The following DIAPH2 variants were observed in gnomAD, a reference collection of about 807,000 sequenced individuals.
The protein encoded by DIAPH2 is diaphanous related formin 2.
Under a neutral mutation model 92.7 loss-of-function variants are expected in DIAPH2, and 35 were observed. That is an observed-to-expected ratio of 0.38 (90% CI 0.29 to 0.50). The LOEUF (loss-of-function observed/expected upper bound fraction) is 0.50, where lower values mean the gene tolerates loss of function less well. Among genes scored for constraint, DIAPH2 ranks in the 20% least tolerant of loss-of-function variants. DIAPH2 has a pLI of 0.94. For synonymous variants in DIAPH2, 301 were observed against 280.4 expected (o/e 1.07, Z -0.73); for missense variants, 701 against 819.5 (o/e 0.86, Z 1.77).
intron 5 of DIAPH2, among the ~76,000 whole-genome samples, chrX:96,911,586 G>A (rs776134728): frequency 1.8e-5 from 2 of 110,805 alleles, no homozygotes; most frequent in Non-Finnish European, 3.8e-5. Context: ...CTTCTACTTG[G>A]AAAGTCCTCA....
At chrX:97,340,529 G>T (rs1276740240) in intron 23 of DIAPH2, among the ~76,000 whole-genome samples, 1 of 111,373 alleles carries the variant, frequency 9.0e-6, no homozygotes, top group African/African-American at 3.3e-5. Flanking sequence ...ATTATAAATA[G>T]AAATCTACAG....
chrX:97,405,246 C>T (rs1290352100), intron 25 of DIAPH2, among the ~76,000 whole-genome samples: 1 of 112,188 alleles, frequency 8.9e-6, no homozygotes, highest in Non-Finnish European at 1.9e-5. Context: ...CTAAATCTCT[C>T]CCCAGTGAAA....
At chrX:97,140,879 TATAAC>T (rs2067204668) in intron 21 of DIAPH2, among the ~76,000 whole-genome samples, 1 of 111,763 alleles carries the variant, frequency 8.9e-6, no homozygotes, top group African/African-American at 3.2e-5. Flanking sequence ...ATTATAGAAT[TATAAC>T]ATCCAATAGA....
At chrX:96,687,391 A>C (rs781194394) in intron 1 of DIAPH2, among the ~76,000 whole-genome samples, 1 of 111,744 alleles carries the variant, frequency 8.9e-6, no homozygotes, top group Non-Finnish European at 1.9e-5. Flanking sequence ...GGTTGTTTTC[A>C]TTTAGTTCCT....
chrX:97,113,612 A>C (rs2066997940), intron 20 of DIAPH2, among the ~76,000 whole-genome samples: 1 of 112,290 alleles, frequency 8.9e-6, no homozygotes, highest in Non-Finnish European at 1.9e-5. Context: ...TCGAAGAAGA[A>C]AAATAATGGG....
chrX:97,064,779 A>T (rs1454521202), intron 17 of DIAPH2, among the ~76,000 whole-genome samples: 2 of 109,756 alleles, frequency 1.8e-5, no homozygotes, highest in Non-Finnish European at 3.8e-5. Context: ...TATGCTCAGC[A>T]TCTCCACGGA....
At chrX:97,429,795 G>A in intron 26 of DIAPH2, 50 bp downstream of exon 26, 2 of 1,044,272 alleles carry the variant, frequency 1.9e-6, no homozygotes, top group South Asian at 4.8e-5. Flanking sequence ...AATGTTCAGA[G>A]CAAAGTAGCA....
At chrX:97,384,792 G>T (rs976419874) in intron 25 of DIAPH2, among the ~76,000 whole-genome samples, 1 of 110,236 alleles carries the variant, frequency 9.1e-6, no homozygotes, top group Non-Finnish European at 1.9e-5. Flanking sequence ...CTTGAAACTG[G>T]GGGGCGGAGG....
intron 4 of DIAPH2, among the ~76,000 whole-genome samples, chrX:96,841,613 C>G (rs1450611492): frequency 8.9e-6 from 1 of 111,781 alleles, no homozygotes; most frequent in Non-Finnish European, 1.9e-5. Flanking sequence ...TTCTTAGAAG[C>G]TTGGTTCCAA....
chrX:96,803,487 C>T (rs963074580), intron 4 of DIAPH2, among the ~76,000 whole-genome samples: 6 of 111,204 alleles, frequency 5.4e-5, no homozygotes, highest in Non-Finnish European at 9.4e-5. Context: ...ATCTCCACAG[C>T]GTATATTATG....
At chrX:96,694,886 A>G (rs748051851) in intron 1 of DIAPH2, among the ~76,000 whole-genome samples, 4 of 109,949 alleles carry the variant, frequency 3.6e-5, no homozygotes, top group Admixed American at 9.7e-5. Flanking sequence ...TTTTTCATTG[A>G]CATTGCATTA....
At chrX:96,995,848 T>C (rs1227282561) in intron 17 of DIAPH2, among the ~76,000 whole-genome samples, 3 of 109,792 alleles carry the variant, frequency 2.7e-5, no homozygotes, top group African/African-American at 9.9e-5. Flanking sequence ...TTTCTGAGTC[T>C]GGGATCCTAG....
chrX:97,506,800 G>A (rs1285147010), intron 26 of DIAPH2, among the ~76,000 whole-genome samples: 1 of 110,731 alleles, frequency 9.0e-6, no homozygotes, highest in Non-Finnish European at 1.9e-5. Context: ...GTTCTTGGAG[G>A]GCATCAACTA....
At chrX:97,311,456 G>A (rs1030621045) in intron 23 of DIAPH2, among the ~76,000 whole-genome samples, 3 of 111,345 alleles carry the variant, frequency 2.7e-5, no homozygotes, top group Non-Finnish European at 5.6e-5. Flanking sequence ...CTGAGCATTC[G>A]GGGATCAGAG....
intron 22 of DIAPH2, among the ~76,000 whole-genome samples, chrX:97,206,748 A>G (rs1012743274): frequency 1.8e-5 from 2 of 111,694 alleles, no homozygotes; most frequent in Admixed American, 9.6e-5. Flanking sequence ...ATTGATGAAG[A>G]TAGTATGTTT....
intron 17 of DIAPH2, among the ~76,000 whole-genome samples, chrX:97,025,989 A>G (rs746345688): frequency 8.9e-6 from 1 of 111,776 alleles, no homozygotes; most frequent in African/African-American, 3.3e-5. Flanking sequence ...CAACACTCCA[A>G]ACAGACCCTG....
chrX:97,320,111 A>G, intron 23 of DIAPH2, among the ~76,000 whole-genome samples: 1 of 105,543 alleles, frequency 9.5e-6, no homozygotes, highest in East Asian at 2.9e-4. Context: ...AAAAAAAAAT[A>G]TATATATATA....
chrX:96,884,001 C>A, intron 5 of DIAPH2: 1 of 218,630 alleles, frequency 4.6e-6, no homozygotes, highest in Non-Finnish European at 8.2e-6. Context: ...ACCAGCTAAG[C>A]AACAGGGCTC....
At chrX:96,751,676 C>T (rs1370173193) in intron 3 of DIAPH2, among the ~76,000 whole-genome samples, 2 of 39,356 alleles carry the variant, frequency 5.1e-5, no homozygotes, top group Non-Finnish European at 8.5e-5. Context: ...TTTTTTGAGA[C>T]GAAGTCTCGC....
Sources: gnomAD v4.1 joint callset for allele counts (sites outside exome capture counted in the v4.1 genomes callset) on GRCh38, gnomAD v4.1.1 for gene constraint, MANE v1.5 for transcripts, NCBI Gene and HGNC (gene_info 2026-07-23, HGNC 2026-07-21) for gene names.